Variants in ADAM11 observed in about 807,000 individuals in gnomAD.
The protein encoded by ADAM11 is disintegrin and metalloproteinase domain-containing protein 11.
Under a neutral mutation model 119.1 loss-of-function variants are expected in ADAM11, and 49 were observed. That is an observed-to-expected ratio of 0.41 (90% CI 0.33 to 0.52). ADAM11 has a LOEUF of 0.52. Among genes scored for constraint, ADAM11 ranks in the 20% least tolerant of loss-of-function variants. ADAM11 has a pLI of 0.20. For missense variants in ADAM11, 777 were observed against 1,047.5 expected (o/e 0.74, Z 3.56); for synonymous variants, 364 against 408.0 (o/e 0.89, Z 1.30).
intron 2 of ADAM11, among the ~76,000 whole-genome samples, chr17:44,768,016 T>A (rs2049472017): frequency 6.6e-6 from 1 of 152,224 alleles, no homozygotes; most frequent in Non-Finnish European, 1.5e-5. Flanking sequence ...CTGACCATTT[T>A]CAGTGGGAAA....
chr17:44,773,023 A>G lies in ADAM11; in HGVS notation c.763A>G (p.Met255Val). Residue 255 changes from methionine to valine, a missense_variant, in exon 10 of 27, where the codon ATG (methionine) becomes GTG (valine). Coordinates refer to ENST00000200557, the MANE Select transcript of ADAM11 (RefSeq NM_002390.6). The surrounding 1 kb of genome is among the most constrained non-coding windows in gnomAD (Gnocchi z 4.6). ...VINDHQLFEQ[M>V]RQSVVLTSNF... ...TTCTTCTCTCTCCCAGTTCGAGCAG[A>G]TGCGACAGTCGGTGGTCCTCACCAG... is the stretch of plus-strand genomic sequence containing the variant. The G allele has an allele frequency of 5.6e-6, 9 of 1,613,994 alleles. No homozygotes were observed. The highest frequency in any genetic ancestry group is 7.6e-6 in the Non-Finnish European group (9 of 1,179,986).
At position 44,776,160 on chromosome 17, in the gene ADAM11, G is replaced by A; in HGVS notation, c.1519G>A (p.Val507Met). Residue 507 changes from valine to methionine, a missense_variant, in exon 18 of 27, where the codon GTG becomes ATG. Physicochemically the swap from Val to Met is conservative, Grantham distance 21 (BLOSUM62 1). Transcript: ENST00000200557. This position sits in a 1 kb window ranked among gnomAD's most constrained non-coding sequence, Gnocchi z 5.2. ...EPRGVSCREA[V>M]NECDIAETCT... Reference sequence around the variant, plus strand: ...ACGGGGTGTGTCCTGCCGAGAGGCCGTGAACGAGTGCGACATCGCGGAGAC... The same window carrying A: ...ACGGGGTGTGTCCTGCCGAGAGGCCATGAACGAGTGCGACATCGCGGAGAC... 1 of 1,613,650 alleles carries A rather than the reference G, an allele frequency of 6.2e-7. No homozygotes were observed. The highest frequency in any genetic ancestry group is 8.5e-7 in the Non-Finnish European group (1 of 1,179,948).
chr17:44,770,086 AG>A (rs754025507), intron 4 of ADAM11, 38 bp downstream of exon 4: 7 of 1,608,894 alleles, frequency 4.4e-6, no homozygotes, highest in Non-Finnish European at 5.9e-6. Context: ...CGGGGATGGA[AG>A]GGAGGTGCTG....
chr17:44,769,570 C>T (rs1598886540), intron 2 of ADAM11, 148 bp from the exon 3 acceptor site: 6 of 654,348 alleles, frequency 9.2e-6, no homozygotes, highest in Non-Finnish European at 1.7e-5. Flanking sequence ...GGAGCTTGGA[C>T]AAAGCATCTT....
At chr17:44,768,947 C>T (rs541568545) in intron 2 of ADAM11, among the ~76,000 whole-genome samples, 10 of 152,344 alleles carry the variant, frequency 6.6e-5, no homozygotes, top group Admixed American at 2.6e-4. Flanking sequence ...CGTCCTCAAG[C>T]GCCCAGGCCT....
Position 44,773,463 on chromosome 17 carries a change from G to C in ADAM11, c.992+36G>C. 1 of 1,602,366 alleles carries C rather than the reference G, an allele frequency of 6.2e-7. No individual in the cohort carries two copies. Among genetic ancestry groups the C allele is most frequent in the Non-Finnish European group, 8.5e-7 (1 of 1,173,746 alleles). Reference sequence around the variant, plus strand: ...CACCCTGCACCTCCTGCCAGCCTCTGCTAGTTGCTACAGTGCTTGGGATTA... The same window carrying C: ...CACCCTGCACCTCCTGCCAGCCTCTCCTAGTTGCTACAGTGCTTGGGATTA... On this transcript the variant is annotated intron_variant, in intron 11 of 26. Coordinates refer to ENST00000200557, the MANE Select transcript of ADAM11 (RefSeq NM_002390.6). The surrounding 1 kb of genome is among the most constrained non-coding windows in gnomAD (Gnocchi z 4.6).
At position 44,772,515 on chromosome 17, in the gene ADAM11, A is replaced by G; in HGVS notation, c.678+49A>G. On this transcript the variant is annotated intron_variant, in intron 8 of 26. Coordinates refer to ENST00000200557, the MANE Select transcript of ADAM11 (RefSeq NM_002390.6). The surrounding 1 kb of genome is among the most constrained non-coding windows in gnomAD (Gnocchi z 4.5). ...GGGCTGCAGAGACCTCGGGCTGCAG[A>G]GAGACCTCAGGCCGTGGCCCAGAGC... 1 of 1,542,718 alleles carries G rather than the reference A, an allele frequency of 6.5e-7. No individual in the cohort carries two copies. The highest frequency in any genetic ancestry group is 8.8e-7 in the Non-Finnish European group (1 of 1,141,724).
In ADAM11 at chr17:44,778,198, C is replaced by T. The variant is rs1445158374; in HGVS notation, c.2232C>T (p.Val744=). ...NIIIGSIAGA[V]LVAAIVLGGT... ...TCATTGGCTCCATTGCTGGGGCTGT[C>T]CTGGTTGCAGCCATCGTCCTGGGCG... Residue 744 remains valine (V), a synonymous_variant, in exon 25 of 27, where the codon GTC becomes GTT. Transcript: ENST00000200557. 2.5e-6 allele frequency: 4 copies of T among 1,613,710 alleles called. No individual in the cohort carries two copies. The African/African-American group carries it at 5.3e-5, about 22-fold the overall frequency.
rs1245168761 is a variant in ADAM11 at position 44,777,188 on chromosome 17, C to T, written c.1704C>T (p.Tyr568=). Residue 568 remains tyrosine (Y), a synonymous_variant, in exon 21 of 27, where the codon TAC becomes TAT. Transcript: ENST00000200557. The surrounding 1 kb of genome is among the most constrained non-coding windows in gnomAD (Gnocchi z 5.1). ...CAGCGGCTGCTGATCGCTTCTGCTA[C>T]GAGAAGCTGAATGTGGAGGGGACGG... The part of the protein sequence containing the change: ...WGHAAADRFC[Y]EKLNVEGTER... 31 of 1,607,860 alleles carry T rather than the reference C, an allele frequency of 1.9e-5. No homozygotes were observed. Among genetic ancestry groups the T allele is most frequent in the African/African-American group, 6.7e-5 (5 of 74,838 alleles).
rs766915484 is a variant in ADAM11, at chr17:44,770,039, G to C, written c.372G>C (p.Gln124His). The change falls in exon 4 of 27, where the codon CAG becomes CAC. Residue 124 changes from glutamine (Q) to histidine (H), a missense_variant. This residue lies in a region of ADAM11 where 278 missense variants were observed against 310.1 expected (regional missense o/e 0.90). Coordinates refer to ENST00000200557, the MANE Select transcript of ADAM11 (RefSeq NM_002390.6). ...ERHFSREGTT[Q>H]HSTGAGDHCY... The stretch of plus-strand genomic sequence containing the variant: ...ACTTCAGCCGGGAGGGGACAACCCA[G>C]CACAGCACCGTGAGTGCCACTGCAG... 4.3e-6 allele frequency: 7 copies of C among 1,614,036 alleles called. No homozygotes were observed. The highest frequency in any genetic ancestry group is 5.9e-6 in the Non-Finnish European group (7 of 1,180,006).
chr17:44,771,964 C>T, intron 6 of ADAM11, 133 bp downstream of exon 6: 1 of 1,063,730 alleles, frequency 9.4e-7, no homozygotes, highest in South Asian at 1.6e-5. Context: ...CTTCAGTGAC[C>T]CCAGCTCTGG....
In ADAM11 at chr17:44,773,389, G is replaced by A; in HGVS notation, c.954G>A (p.Glu318=). The A allele has an allele frequency of 6.2e-7, 1 of 1,613,884 alleles. No homozygotes were observed. Among genetic ancestry groups the A allele is most frequent in the Non-Finnish European group, 8.5e-7 (1 of 1,179,956 alleles). The change falls in exon 11 of 27, where the codon GAG becomes GAA. Residue 318 remains glutamate (E), a synonymous_variant. Transcript: ENST00000200557. The surrounding 1 kb of genome is among the most constrained non-coding windows in gnomAD (Gnocchi z 4.6). ...TLARLMVYRR[E]GLPEPSDATH... ...CCCGGCTCATGGTCTACCGACGGGA[G>A]GGTCTGCCTGAGCCCAGTGATGCCA...
Position 44,772,171 on chromosome 17 carries a change from G to A in ADAM11, c.544-96G>A. The A allele has an allele frequency of 8.4e-7, 1 of 1,195,732 alleles. No individual in the cohort carries two copies. Among genetic ancestry groups the A allele is most frequent in the Non-Finnish European group, 1.2e-6 (1 of 836,472 alleles). 74.1% of individuals were successfully genotyped at this position (1,195,732 alleles called of 1,614,324 possible). On this transcript the variant is annotated intron_variant, in intron 6 of 26. Transcript: ENST00000200557. The surrounding 1 kb of genome is among the most constrained non-coding windows in gnomAD (Gnocchi z 4.5). Reference sequence around the variant, plus strand: ...CTGTGGCCAGTTCTGGGTCACCCCAGGGTGGGGTGGAGGCGAGGGCTGGAT... The same window carrying A: ...CTGTGGCCAGTTCTGGGTCACCCCAAGGTGGGGTGGAGGCGAGGGCTGGAT...
At chr17:44,762,063 A>T (rs2049396139) in intron 2 of ADAM11, among the ~76,000 whole-genome samples, 1 of 152,164 alleles carries the variant, frequency 6.6e-6, no homozygotes, top group South Asian at 2.1e-4. Context: ...ACCTCAGGTG[A>T]TCTGCCCACC....
intron 2 of ADAM11, among the ~76,000 whole-genome samples, chr17:44,768,887 C>T (rs898755731): frequency 6.6e-6 from 1 of 152,168 alleles, no homozygotes; most frequent in Non-Finnish European, 1.5e-5. Context: ...AAGGCCCCAG[C>T]CCTGAGTCCT....
rs528013786 is a variant in ADAM11, at chr17:44,773,420, C to G, written c.985C>G (p.Leu329Val). Residue 329 changes from leucine to valine, a missense_variant, in exon 11 of 27, where the codon CTC (leucine) becomes GTC (valine). By Grantham distance (32) the Leu-to-Val change is conservative. Around this residue, in one of 4 missense-constraint regions of ADAM11, gnomAD observed 147 missense variants for 223.3 expected, o/e 0.66. Coordinates refer to ENST00000200557, the MANE Select transcript of ADAM11 (RefSeq NM_002390.6). This position sits in a 1 kb window ranked among gnomAD's most constrained non-coding sequence, Gnocchi z 4.6. Reference protein sequence around the residue: ...GLPEPSDATHLFSGRTFQSTS... With the variant: ...GLPEPSDATHVFSGRTFQSTS... ...GCCTGAGCCCAGTGATGCCACCCACCTCTTCTCGTGAGTCCCCCACCCTGC... is the reference window on the plus strand; with the variant it reads ...GCCTGAGCCCAGTGATGCCACCCACGTCTTCTCGTGAGTCCCCCACCCTGC... 5.6e-6 allele frequency: 9 copies of G among 1,613,114 alleles called. No individual in the cohort carries two copies. Among genetic ancestry groups the G allele is most frequent in the Admixed American group, 1.7e-5 (1 of 59,996 alleles).
intron 2 of ADAM11, among the ~76,000 whole-genome samples, chr17:44,765,584 C>G (rs1301972101): frequency 6.7e-6 from 1 of 149,320 alleles, no homozygotes; most frequent in Non-Finnish European, 1.5e-5. Context: ...ATCCTCACAG[C>G]AATCCTGGTT....
Position 44,772,733 on chromosome 17 carries a change from G to C in ADAM11, c.679-124G>C. The C allele has an allele frequency of 2.1e-6, 2 of 954,578 alleles. No individual in the cohort carries two copies. The allele number at this position is 954,578 out of a possible 1,614,324, so 59.1% of individuals were successfully genotyped here. A position where few individuals can be genotyped will look rare whatever the true frequency, so the allele number is the denominator to read the frequency against. The stretch of plus-strand genomic sequence containing the variant: ...GAAGGACAGGACCCTCTGCCAGTGG[G>C]GAGCTGGCACTGTCCCTGGCTGGAG... On this transcript the variant is annotated intron_variant, in intron 8 of 26. Transcript: ENST00000200557. The surrounding 1 kb of genome is among the most constrained non-coding windows in gnomAD (Gnocchi z 4.5).
chr17:44,763,412 GAA>G (rs1333202720), intron 2 of ADAM11, among the ~76,000 whole-genome samples: 3 of 152,190 alleles, frequency 2.0e-5, no homozygotes, highest in Non-Finnish European at 4.4e-5. Context: ...GGGCTGAAGG[GAA>G]AAGAGACACA....
Sources: allele counts gnomAD v4.1 joint callset (sites outside exome capture counted in the v4.1 genomes callset), GRCh38; gene constraint gnomAD v4.1.1; regional missense constraint gnomAD v4.1.1; non-coding constraint Gnocchi (gnomAD v3.1); transcripts MANE v1.5; gene names NCBI Gene and HGNC (gene_info 2026-07-23, HGNC 2026-07-21).